The following WDR59 variants were observed in gnomAD, a reference collection of about 807,000 sequenced individuals.
The protein encoded by WDR59 is GATOR2 complex protein WDR59.
A neutral mutation model predicts 131.2 loss-of-function variants in WDR59; 100 were observed. That is an observed-to-expected ratio of 0.76 (90% CI 0.65 to 0.90). The LOEUF is 0.90. Among genes scored for constraint, WDR59 ranks in the 40% least tolerant of loss-of-function variants. WDR59 has a pLI of 0.00. For missense variants in WDR59, 1,203 were observed against 1,262.2 expected, an observed-to-expected ratio of 0.95 and a Z score of 0.71; for synonymous variants, 601 against 466.2, an observed-to-expected ratio of 1.29 and a Z score of -3.72.
intron 1 of WDR59, among the ~76,000 whole-genome samples, chr16:74,968,482 A>C (rs2033861060): frequency 6.6e-6 from 1 of 152,184 alleles, no homozygotes. Context: ...GCACTTTGGG[A>C]GGCCGAGGCA....
chr16:74,925,308 GGCAGGCA>G (rs2030668471), intron 8 of WDR59, among the ~76,000 whole-genome samples: 1 of 152,102 alleles, frequency 6.6e-6, no homozygotes, highest in Non-Finnish European at 1.5e-5. Context: ...GGCCAAGGCA[GGCAGGCA>G]GGCAGATCAC....
chr16:74,927,968 C>T (rs11859704), intron 8 of WDR59, among the ~76,000 whole-genome samples: 144,645 of 145,204 alleles, frequency 1, 72,048 homozygotes, highest in Middle Eastern at 1. Context: ...AGTGCAGTAG[C>T]GCGATCTCGG....
intron 2 of WDR59, chr16:74,959,625 A>G: frequency 2.4e-6 from 1 of 422,228 alleles, no homozygotes; most frequent in Non-Finnish European, 4.6e-6. Context: ...TAATAAAATA[A>G]AATAAAATTA....
At chr16:74,982,911 T>C (rs1457345083) in intron 1 of WDR59, among the ~76,000 whole-genome samples, 13 of 152,232 alleles carry the variant, frequency 8.5e-5, no homozygotes. Flanking sequence ...CATTCATACT[T>C]ATCCAGATCT....
intron 13 of WDR59, among the ~76,000 whole-genome samples, chr16:74,914,653 T>C (rs1033125444): frequency 2.0e-5 from 3 of 150,564 alleles, no homozygotes; most frequent in African/African-American, 7.3e-5. Context: ...AGTGTAGTGG[T>C]GTGATCTCGG....
chr16:74,968,003 T>C (rs1288768683), intron 1 of WDR59, among the ~76,000 whole-genome samples: 2 of 152,104 alleles, frequency 1.3e-5, no homozygotes, highest in African/African-American at 2.4e-5. Flanking sequence ...TGCTACAACA[T>C]GGATGGAGCT....
intron 1 of WDR59, among the ~76,000 whole-genome samples, chr16:74,974,493 G>T (rs531568099): frequency 6.6e-6 from 1 of 152,298 alleles, no homozygotes; most frequent in African/African-American, 2.4e-5. Context: ...CTACAAGGTA[G>T]TATGCAGAAA....
At chr16:74,950,730 C>A (rs766740286) in intron 4 of WDR59, among the ~76,000 whole-genome samples, 55 of 152,164 alleles carry the variant, frequency 3.6e-4, no homozygotes, top group Admixed American at 2.7e-3. Flanking sequence ...TGAACTGTGA[C>A]GCAGGAGCTC....
At chr16:74,921,206 A>C (rs2144998478) in intron 10 of WDR59, among the ~76,000 whole-genome samples, 1 of 152,216 alleles carries the variant, frequency 6.6e-6, no homozygotes, top group Non-Finnish European at 1.5e-5. Flanking sequence ...TACTAAGCCT[A>C]GTACCCAATG....
At position 74,914,127 on chromosome 16, in the gene WDR59, G is replaced by A. The variant is rs537522169; in HGVS notation, c.1224+1743C>T. 1.9e-4 allele frequency among the ~76,000 whole-genome samples: 29 copies of A among 152,214 alleles called. 1 individual carries two copies. The highest frequency in any genetic ancestry group is 2.8e-4 in the Non-Finnish European group (19 of 68,034). On this transcript the variant is annotated intron_variant, in intron 13 of 25. Coordinates refer to ENST00000262144, the MANE Select transcript of WDR59 (RefSeq NM_030581.4). ...TCTGGGAAGCTGAGGCAGGAGAATC[G>A]CGTGAACCCGAGAGGCAGAGCCTGC...
intron 25 of WDR59, among the ~76,000 whole-genome samples, chr16:74,883,568 G>C (rs976752554): frequency 2.6e-5 from 4 of 152,186 alleles, no homozygotes; most frequent in East Asian, 1.9e-4. Flanking sequence ...CTGGAGAAGA[G>C]GAGATCAGTG....
chr16:74,874,555 A>G lies in WDR59; in HGVS notation c.2690-111T>C, dbSNP rs529947892. On this transcript the variant is annotated intron_variant, in intron 25 of 25. Transcript: ENST00000262144. ...AGTCTTCCTCTCAAGACTCTAGCAG[A>G]TTCTCTTAGACCAGTGGTTTTCATT... is the stretch of plus-strand genomic sequence containing the variant. The G allele has an allele frequency of 1.1e-5, 9 of 814,282 alleles. No individual in the cohort carries two copies. In the East Asian group the frequency reaches 2.4e-4, roughly 22 times the overall value. 50.4% of individuals were successfully genotyped at this position (814,282 alleles called of 1,614,324 possible). A position where few individuals can be genotyped will look rare whatever the true frequency, so the allele number is the denominator to read the frequency against.
Position 74,966,611 on chromosome 16 carries a change from C to A in WDR59, c.55-789G>T, listed in dbSNP as rs557797252. Among the ~76,000 whole-genome samples the A allele has an allele frequency of 9.2e-5, 14 of 152,074 alleles. No individual in the cohort carries two copies. The South Asian group carries it at 2.9e-3, about 32-fold the overall frequency. ...TTGCAAGTGAAACCTAACCTGGACA[C>A]CCCCACCCCACACACACCCAAGACA... On this transcript the variant is annotated intron_variant, in intron 1 of 25. Coordinates refer to ENST00000262144, the MANE Select transcript of WDR59 (RefSeq NM_030581.4).
In WDR59 at chr16:74,882,871, G is replaced by C. The variant is rs541113032; in HGVS notation, c.2689+2782C>G. On this transcript the variant is annotated intron_variant, in intron 25 of 25. Coordinates refer to ENST00000262144, the MANE Select transcript of WDR59 (RefSeq NM_030581.4). ...AAAAGAAAAGAAAAAGAAGGGAAAA[G>C]AAACTATACCTACACAACTTAAAAG... is the stretch of plus-strand genomic sequence containing the variant. Among the ~76,000 whole-genome samples, 51 of 135,430 alleles carry C rather than the reference G, an allele frequency of 3.8e-4. 2 individuals carry two copies. The highest frequency in any genetic ancestry group is 1.3e-3 in the African/African-American group (48 of 36,500). 88.8% of individuals were successfully genotyped at this position (135,430 alleles called of 152,430 possible). A position where few individuals can be genotyped will look rare whatever the true frequency, so the allele number is the denominator to read the frequency against.
Position 74,942,783 on chromosome 16 carries a change from G to A in WDR59, c.489C>T (p.Cys163=). The change falls in exon 7 of 26, where the codon TGC becomes TGT. Residue 163 remains cysteine (C), a synonymous_variant. Coordinates refer to ENST00000262144, the MANE Select transcript of WDR59 (RefSeq NM_030581.4). The part of the protein sequence containing the change: ...QVKWNKKNAN[C]LATSHDGDVR... ...CATCGCCGTCATGGCTGGTGGCAAG[G>A]CAGTTAGCATTTTTTTTATTCCATT... 1 of 1,611,724 alleles carries A rather than the reference G, an allele frequency of 6.2e-7. No individual in the cohort carries two copies. The highest frequency in any genetic ancestry group is 8.5e-7 in the Non-Finnish European group (1 of 1,179,478).
intron 1 of WDR59, among the ~76,000 whole-genome samples, chr16:74,967,927 C>T (rs2033839060): frequency 6.7e-6 from 1 of 149,020 alleles, no homozygotes; most frequent in African/African-American, 2.5e-5. Flanking sequence ...AACAGATAAA[C>T]AAAATGTGGT....
At chr16:74,943,534 T>C (rs866085725) in intron 6 of WDR59, among the ~76,000 whole-genome samples, 2 of 152,174 alleles carry the variant, frequency 1.3e-5, no homozygotes, top group South Asian at 4.1e-4. Flanking sequence ...TAATGTGAGA[T>C]GCCAGAAAGA....
chr16:74,890,309 C>A (rs776733274), intron 20 of WDR59, among the ~76,000 whole-genome samples: 1 of 152,124 alleles, frequency 6.6e-6, no homozygotes, highest in Non-Finnish European at 1.5e-5. Context: ...TGCCACCACA[C>A]CTGGCTAATT....
chr16:74,936,584 G>A (rs984450629), intron 8 of WDR59, among the ~76,000 whole-genome samples: 5 of 152,100 alleles, frequency 3.3e-5, no homozygotes, highest in Admixed American at 6.6e-5. Flanking sequence ...CCAGCACTTT[G>A]GGAGGCCGAG....
Sources: gnomAD v4.1 joint callset for allele counts (sites outside exome capture counted in the v4.1 genomes callset) on GRCh38, gnomAD v4.1.1 for gene constraint, MANE v1.5 for transcripts, NCBI Gene and HGNC (gene_info 2026-07-23, HGNC 2026-07-21) for gene names.